Variants in NRXN1 observed in about 807,000 individuals in gnomAD.
The protein encoded by NRXN1 is neurexin 1.
In NRXN1, 39 loss-of-function variants were observed where a neutral mutation model predicts 150.9. The observed-to-expected ratio is 0.26, with a 90% CI of 0.20 to 0.34. The LOEUF (loss-of-function observed/expected upper bound fraction) is 0.34. NRXN1 is among the 10% of genes least tolerant of loss of function. The pLI is 1.00. For missense variants in NRXN1, 1,815 were observed against 1,949.9 expected, an observed-to-expected ratio of 0.93 and a Z score of 1.30; for synonymous variants, 924 against 757.0, an observed-to-expected ratio of 1.22 and a Z score of -3.62.
At chr2:50,218,953 C>G (rs2063595380) in intron 18 of NRXN1, among the ~76,000 whole-genome samples, 1 of 151,612 alleles carries the variant, frequency 6.6e-6, no homozygotes, top group African/African-American at 2.4e-5. Context: ...ATTCCAATAG[C>G]CTTTATTTTT....
intron 10 of NRXN1, among the ~76,000 whole-genome samples, chr2:50,531,921 C>G (rs1222327533): frequency 6.6e-6 from 1 of 152,120 alleles, no homozygotes; most frequent in East Asian, 1.9e-4. Context: ...TCTCAGCTCA[C>G]TGCAGCCATG....
intron 2 of NRXN1, among the ~76,000 whole-genome samples, chr2:50,979,647 G>A (rs942834217): frequency 6.6e-6 from 1 of 152,070 alleles, no homozygotes; most frequent in African/African-American, 2.4e-5. Context: ...CTTGCTCTGT[G>A]TCTCAGTTAA....
chr2:50,884,721 T>C (rs1679958645), intron 5 of NRXN1, among the ~76,000 whole-genome samples: 1 of 151,608 alleles, frequency 6.6e-6, no homozygotes, highest in African/African-American at 2.4e-5. Flanking sequence ...TGCTCACAGG[T>C]ACATACAACT....
chr2:50,667,840 T>C (rs765836075), intron 5 of NRXN1, among the ~76,000 whole-genome samples: 25 of 152,022 alleles, frequency 1.6e-4, no homozygotes, highest in Non-Finnish European at 3.2e-4. Context: ...TTTGGAGCCA[T>C]AGTCTGAAGT....
At chr2:50,559,226 C>A (rs1413059971) in intron 8 of NRXN1, among the ~76,000 whole-genome samples, 1 of 152,196 alleles carries the variant, frequency 6.6e-6, no homozygotes, top group Non-Finnish European at 1.5e-5. Flanking sequence ...CAACCAGGAA[C>A]TAGCCAGCAA....
chr2:50,219,039 A>G (rs1381566834), intron 18 of NRXN1, among the ~76,000 whole-genome samples: 1 of 151,854 alleles, frequency 6.6e-6, no homozygotes, highest in African/African-American at 2.4e-5. Flanking sequence ...TCCAGTGGCT[A>G]TGGGTTTTAT....
chr2:50,121,739 A>AT (rs1297587845), intron 18 of NRXN1, among the ~76,000 whole-genome samples: 2 of 152,154 alleles, frequency 1.3e-5, no homozygotes, highest in African/African-American at 2.4e-5. Flanking sequence ...ACATCCTAGT[A>AT]TTTTGTTATT....
chr2:50,872,888 T>C (rs1275475773), intron 5 of NRXN1, among the ~76,000 whole-genome samples: 1 of 151,770 alleles, frequency 6.6e-6, no homozygotes, highest in Non-Finnish European at 1.5e-5. Flanking sequence ...CGGTCAACAA[T>C]CAAAACTTGA....
chr2:50,502,257 A>G (rs13029604), intron 13 of NRXN1, among the ~76,000 whole-genome samples: 25,938 of 152,114 alleles, frequency 0.17, 3,294 homozygotes, highest in East Asian at 0.38. Context: ...GAGGGAAAAA[A>G]TAAACAATTT....
Position 50,403,348 on chromosome 2 carries a change from G to A in NRXN1, c.3364+62094C>T, listed in dbSNP as rs115290990. 3.9e-3 allele frequency among the ~76,000 whole-genome samples: 597 copies of A among 152,206 alleles called. 6 individuals carry two copies. The highest frequency in any genetic ancestry group is 0.013 in the African/African-American group (557 of 41,536). On this transcript the variant is annotated intron_variant, in intron 17 of 22. Transcript: ENST00000401669. ...CCAGCAGCATCTGCATCACCTGGGAGCTTATTAGAAATAAGGAATCTTAGA... is the reference window on the plus strand; with the variant it reads ...CCAGCAGCATCTGCATCACCTGGGAACTTATTAGAAATAAGGAATCTTAGA...
intron 2 of NRXN1, among the ~76,000 whole-genome samples, chr2:51,016,428 C>T (rs1575231313): frequency 6.6e-6 from 1 of 152,102 alleles, no homozygotes. Context: ...ACAACCCCAT[C>T]AAGAAGTGAG....
At chr2:51,022,123 T>C (rs914387259) in intron 2 of NRXN1, among the ~76,000 whole-genome samples, 2 of 151,996 alleles carry the variant, frequency 1.3e-5, no homozygotes, top group Non-Finnish European at 1.5e-5. Context: ...TACATTTAAA[T>C]TTTGCTTGAA....
At chr2:50,750,110 T>G (rs1700426499) in intron 5 of NRXN1, among the ~76,000 whole-genome samples, 1 of 152,014 alleles carries the variant, frequency 6.6e-6, no homozygotes, top group South Asian at 2.1e-4. Flanking sequence ...TGTAGTTCTA[T>G]TCTACGAGCT....
At chr2:50,424,413 G>A (rs948701382) in intron 17 of NRXN1, among the ~76,000 whole-genome samples, 5 of 151,668 alleles carry the variant, frequency 3.3e-5, no homozygotes, top group Non-Finnish European at 7.4e-5. Context: ...TCAGAGAGAC[G>A]GTACCTGGAC....
At chr2:50,024,153 T>C (rs1687948275) in intron 21 of NRXN1, 1 of 152,230 alleles carries the variant, frequency 6.6e-6, no homozygotes, top group Non-Finnish European at 1.5e-5. Flanking sequence ...CAGTGATTTG[T>C]AGTAGGTGCT....
intron 5 of NRXN1, among the ~76,000 whole-genome samples, chr2:50,745,031 C>A (rs970511809): frequency 6.6e-6 from 1 of 152,050 alleles, no homozygotes; most frequent in African/African-American, 2.4e-5. Flanking sequence ...ACTGAGCATG[C>A]GGCTGGAAGG....
At chr2:50,593,425 T>G (rs928348382) in intron 8 of NRXN1, among the ~76,000 whole-genome samples, 2 of 152,226 alleles carry the variant, frequency 1.3e-5, no homozygotes, top group Non-Finnish European at 2.9e-5. Flanking sequence ...TATTTTTCTA[T>G]CTTTAGAATA....
intron 8 of NRXN1, among the ~76,000 whole-genome samples, chr2:50,568,667 A>T (rs1670215958): frequency 6.6e-6 from 1 of 152,142 alleles, no homozygotes; most frequent in Admixed American, 6.5e-5. Context: ...TGTGGTGAAA[A>T]GGGAAACCCT....
At chr2:50,308,740 C>T (rs187649464) in intron 17 of NRXN1, among the ~76,000 whole-genome samples, 199 of 152,268 alleles carry the variant, frequency 1.3e-3, no homozygotes, top group Non-Finnish European at 2.1e-3. Flanking sequence ...CTTAGTGTTA[C>T]GCTTTCCAGA....
Sources: allele counts gnomAD v4.1 joint callset (sites outside exome capture counted in the v4.1 genomes callset), GRCh38; gene constraint gnomAD v4.1.1; transcripts MANE v1.5; gene names NCBI Gene and HGNC (gene_info 2026-07-23, HGNC 2026-07-21).